The following VRK2 variants were observed in gnomAD, a reference collection of about 807,000 sequenced individuals.
The protein encoded by VRK2 is serine/threonine-protein kinase VRK2.
Under a neutral mutation model 57.6 loss-of-function variants are expected in VRK2, and 60 were observed. The observed-to-expected ratio is 1.04, with a 90% CI of 0.85 to 1.29. The LOEUF is 1.29. Among genes scored for constraint, VRK2 ranks in the 50% most tolerant of loss-of-function variants. The probability of loss-of-function intolerance (pLI) is 0.00; values close to 1 mark genes in which losing one functional copy is unlikely to be tolerated. For missense variants in VRK2, 705 were observed against 588.1 expected (o/e 1.20, Z -2.06); for synonymous variants, 231 against 199.2 (o/e 1.16, Z -1.35).
intron 1 of VRK2, among the ~76,000 whole-genome samples, chr2:57,957,512 T>A (rs1308511552): frequency 6.6e-6 from 1 of 151,056 alleles, no homozygotes; most frequent in Non-Finnish European, 1.5e-5. Flanking sequence ...AAATCTTATG[T>A]TTTTTATCTC....
Position 58,094,672 on chromosome 2 carries a change from T to C in VRK2, c.543+4949T>C, listed in dbSNP as rs984057385. On this transcript the variant is annotated intron_variant, in intron 7 of 12. Transcript: ENST00000340157. The stretch of plus-strand genomic sequence containing the variant: ...ATTTTTTAAACTTAAAGCTCTCTTA[T>C]TCATTACAGTTTATTATAAGTGGTT... 2.0e-5 allele frequency among the ~76,000 whole-genome samples: 3 copies of C among 152,190 alleles called. No individual in the cohort carries two copies. The East Asian group carries it at 5.8e-4, about 29-fold the overall frequency.
At chr2:58,068,083 C>A (rs80276486) in intron 2 of VRK2, among the ~76,000 whole-genome samples, 1 of 151,982 alleles carries the variant, frequency 6.6e-6, no homozygotes, top group Non-Finnish European at 1.5e-5. Context: ...GTGTATGCTA[C>A]GACGCCCAGC....
At chr2:58,027,951 G>C (rs985438629) in intron 2 of VRK2, among the ~76,000 whole-genome samples, 2 of 152,272 alleles carry the variant, frequency 1.3e-5, no homozygotes, top group East Asian at 1.9e-4. Context: ...AGAAAAATGT[G>C]ACCAACACTA....
At chr2:57,912,666 C>T (rs1044149803) in intron 1 of VRK2, among the ~76,000 whole-genome samples, 4 of 152,020 alleles carry the variant, frequency 2.6e-5, no homozygotes, top group African/African-American at 4.8e-5. Flanking sequence ...AAAGAGCAAC[C>T]GCTTTTGTTA....
At chr2:58,158,188 AATT>A (rs1042764812) in intron 12 of VRK2, among the ~76,000 whole-genome samples, 2 of 152,312 alleles carry the variant, frequency 1.3e-5, no homozygotes, top group East Asian at 1.9e-4. Flanking sequence ...TTGATAGCAT[AATT>A]ATTATTTGTA....
intron 2 of VRK2, among the ~76,000 whole-genome samples, chr2:58,055,099 T>C (rs1429590753): frequency 6.6e-6 from 1 of 152,168 alleles, no homozygotes; most frequent in Non-Finnish European, 1.5e-5. Flanking sequence ...TGGCCCTTCA[T>C]TGGCATTATA....
At chr2:58,140,124 A>G (rs899387073) in intron 11 of VRK2, among the ~76,000 whole-genome samples, 1 of 152,056 alleles carries the variant, frequency 6.6e-6, no homozygotes, top group African/African-American at 2.4e-5. Flanking sequence ...TGAGAAAGCC[A>G]TCATTTGCTT....
At chr2:58,148,704 T>A (rs1209023831) in intron 12 of VRK2, among the ~76,000 whole-genome samples, 2 of 151,760 alleles carry the variant, frequency 1.3e-5, no homozygotes, top group Non-Finnish European at 3.0e-5. Flanking sequence ...ATGTGTATTG[T>A]GTGAGGTGGA....
intron 1 of VRK2, among the ~76,000 whole-genome samples, chr2:57,971,170 T>A (rs1343539230): frequency 6.6e-6 from 1 of 151,668 alleles, no homozygotes; most frequent in African/African-American, 2.4e-5. Context: ...CAAAGAAAAA[T>A]CAGCAAAGGG....
chr2:57,939,551 A>T (rs2103952372), intron 1 of VRK2, among the ~76,000 whole-genome samples: 1 of 152,192 alleles, frequency 6.6e-6, no homozygotes, highest in Admixed American at 6.5e-5. Flanking sequence ...CACAGAGCAC[A>T]TTTCCTTTGG....
intron 12 of VRK2, among the ~76,000 whole-genome samples, chr2:58,158,447 T>C (rs780014960): frequency 2.6e-5 from 4 of 152,170 alleles, no homozygotes; most frequent in Non-Finnish European, 4.4e-5. Flanking sequence ...TCCAAAACTC[T>C]GTATCTAGAA....
At chr2:58,085,685 T>A (rs1222035810) in intron 4 of VRK2, among the ~76,000 whole-genome samples, 2 of 151,956 alleles carry the variant, frequency 1.3e-5, no homozygotes, top group African/African-American at 4.8e-5. Flanking sequence ...TTCTAAACAT[T>A]AAGACTGTAA....
At chr2:57,909,136 C>G (rs922525031) in intron 1 of VRK2, among the ~76,000 whole-genome samples, 1 of 152,148 alleles carries the variant, frequency 6.6e-6, no homozygotes, top group Non-Finnish European at 1.5e-5. Flanking sequence ...CTTCCTGATT[C>G]TCAAGTGAGT....
chr2:58,020,255 G>T (rs370563492), intron 1 of VRK2, among the ~76,000 whole-genome samples: 1 of 152,246 alleles, frequency 6.6e-6, no homozygotes, highest in East Asian at 1.9e-4. Flanking sequence ...CTGTTGTCCC[G>T]GCCTGGAGGG....
chr2:57,978,728 G>T (rs537473577), intron 1 of VRK2, among the ~76,000 whole-genome samples: 1 of 148,794 alleles, frequency 6.7e-6, no homozygotes, highest in South Asian at 2.1e-4. Flanking sequence ...GCACATGCAG[G>T]TTTGTTTCAT....
At chr2:57,961,361 G>A (rs980164464) in intron 1 of VRK2, among the ~76,000 whole-genome samples, 5 of 152,158 alleles carry the variant, frequency 3.3e-5, no homozygotes, top group African/African-American at 9.7e-5. Flanking sequence ...CTGACCACAG[G>A]AGAGCAAGAG....
At chr2:57,963,796 T>C (rs893116427) in intron 1 of VRK2, among the ~76,000 whole-genome samples, 2 of 152,240 alleles carry the variant, frequency 1.3e-5, no homozygotes, top group African/African-American at 4.8e-5. Context: ...GATAAGTGAA[T>C]ACAAGATTTG....
intron 7 of VRK2, among the ~76,000 whole-genome samples, chr2:58,107,339 A>G (rs1674907924): frequency 6.6e-6 from 1 of 152,112 alleles, no homozygotes; most frequent in African/African-American, 2.4e-5. Context: ...AATGCTGTTC[A>G]TACTGCAAAG....
intron 1 of VRK2, among the ~76,000 whole-genome samples, chr2:57,946,127 CAT>C (rs953023324): frequency 9.9e-5 from 15 of 152,140 alleles, no homozygotes; most frequent in Non-Finnish European, 1.6e-4. Context: ...AAATCTAACA[CAT>C]ATATGTCTTA....
Sources: allele counts gnomAD v4.1 joint callset (sites outside exome capture counted in the v4.1 genomes callset), GRCh38; gene constraint gnomAD v4.1.1; transcripts MANE v1.5; gene names NCBI Gene and HGNC (gene_info 2026-07-23, HGNC 2026-07-21).